The following KRT28 variants were observed in gnomAD, a reference collection of about 807,000 sequenced individuals.
KRT28 encodes the protein keratin, type I cytoskeletal 28.
KRT28 carries 45 observed loss-of-function variants against 48.1 expected under a neutral mutation model. The ratio of observed to expected loss-of-function variants is 0.94; its 90% CI spans 0.74 to 1.20. The LOEUF (loss-of-function observed/expected upper bound fraction) is 1.20, where lower values mean the gene tolerates loss of function less well. KRT28 is among the 50% of genes most tolerant of loss of function. The pLI is 0.00. For missense variants in KRT28, 571 were observed against 574.1 expected, an observed-to-expected ratio of 0.99 and a Z score of 0.06; for synonymous variants, 228 against 227.4, an observed-to-expected ratio of 1.00 and a Z score of -0.03.
At chr17:40,798,166 C>A in intron 3 of KRT28, 69 bp downstream of exon 3, 2 of 1,456,666 alleles carry the variant, frequency 1.4e-6, no homozygotes, top group Admixed American at 3.9e-5. Context: ...GTGATTTTAA[C>A]CCCCAACCCC....
At chr17:40,798,131 A>T (rs1214934161) in intron 3 of KRT28, 104 bp downstream of exon 3, 1 of 1,173,984 alleles carries the variant, frequency 8.5e-7, no homozygotes, top group Non-Finnish European at 1.2e-6. Context: ...TTGGCAAATT[A>T]TAACAATGAA....
At chr17:40,796,516 G>C (rs1904616765) in intron 5 of KRT28, among the ~76,000 whole-genome samples, 3 of 152,184 alleles carry the variant, frequency 2.0e-5, no homozygotes, top group African/African-American at 7.2e-5. Flanking sequence ...ATCAGTATCA[G>C]GAGATGCTGG....
intron 1 of KRT28, among the ~76,000 whole-genome samples, 164 bp downstream of exon 1, chr17:40,799,280 A>G (rs549751709): frequency 6.6e-6 from 1 of 152,328 alleles, no homozygotes; most frequent in South Asian, 2.1e-4. Context: ...CTACATTAAA[A>G]TTCATGAATC....
At chr17:40,793,277 C>G in intron 6 of KRT28, 67 bp from the exon 7 acceptor site, 14 of 998,508 alleles carry the variant, frequency 1.4e-5, no homozygotes, top group African/African-American at 1.7e-5. Flanking sequence ...TATTCATTGA[C>G]TCAATGAATG....
At chr17:40,798,865 A>G (rs1904681823) in intron 2 of KRT28, 52 bp downstream of exon 2, 2 of 1,168,982 alleles carry the variant, frequency 1.7e-6, no homozygotes, top group Non-Finnish European at 1.3e-6. Context: ...TATTTAACAA[A>G]TTAAATAAAT....
At chr17:40,794,257 C>T (rs1239906864) in intron 5 of KRT28, among the ~76,000 whole-genome samples, 3 of 152,088 alleles carry the variant, frequency 2.0e-5, no homozygotes, top group Admixed American at 2.0e-4. Flanking sequence ...ATAAATGGCC[C>T]TTTTCCCACA....
intron 5 of KRT28, among the ~76,000 whole-genome samples, chr17:40,796,557 C>G (rs1198356495): frequency 1.3e-5 from 2 of 152,202 alleles, no homozygotes; most frequent in African/African-American, 4.8e-5. Context: ...CTGTGGGACA[C>G]TAGCCCCACA....
In KRT28 at chr17:40,799,011, C is replaced by A; in HGVS notation, c.451-12G>T. 1 of 1,470,178 alleles carries A rather than the reference C, an allele frequency of 6.8e-7. No individual in the cohort carries two copies. The highest frequency in any genetic ancestry group is 9.4e-7 in the Non-Finnish European group (1 of 1,060,794). The allele number at this position is 1,470,178 out of a possible 1,614,324, so 91.1% of individuals were successfully genotyped here. A position where few individuals can be genotyped will look rare whatever the true frequency, so the allele number is the denominator to read the frequency against. On this transcript the variant is annotated splice_polypyrimidine_tract_variant and intron_variant, in intron 1 of 7. Transcript: ENST00000306658. ...GTGGAGGAGATAATCTAGAATAAAC[C>A]AAAACAGAGAACACAACAAGTAAGT...
chr17:40,797,928 G>T (rs1184449167), intron 3 of KRT28, among the ~76,000 whole-genome samples: 1 of 152,146 alleles, frequency 6.6e-6, no homozygotes, highest in East Asian at 1.9e-4. Context: ...AGGTTGATGG[G>T]AATAGAACAG....
chr17:40,799,849 C>A lies in KRT28; in HGVS notation c.45G>T (p.Arg15Ser). Residue 15 changes from arginine to serine, a missense_variant, in exon 1 of 8, where the codon AGG (arginine) becomes AGT (serine). Physicochemically the swap from Arg to Ser is moderately radical, Grantham distance 110 (BLOSUM62 -1). Transcript: ENST00000306658. ...GGGGTCTGACAGATCCAGCTCCAGA[C>A]CTTAAGCAAACATGCCTGGATCCAT... ...FSNGSRHVCLRSGAGSVRPLN... is the reference protein window; with the variant it reads ...FSNGSRHVCLSSGAGSVRPLN... The A allele has an allele frequency of 6.2e-7, 1 of 1,613,882 alleles. No individual in the cohort carries two copies. The highest frequency in any genetic ancestry group is 8.5e-7 in the Non-Finnish European group (1 of 1,180,024).
In KRT28 at chr17:40,799,886, A is replaced by G. The variant is rs1408032918; in HGVS notation, c.8T>C (p.Leu3Pro). 2 of 1,609,754 alleles carry G rather than the reference A, an allele frequency of 1.2e-6. No individual in the cohort carries two copies. The highest frequency in any genetic ancestry group is 1.7e-6 in the Non-Finnish European group (2 of 1,178,608). ...ATGCCTGGATCCATTAGAAAATTGGAGAGACATGGTGTTTTGAGAAATGTT... is the reference window on the plus strand; with the variant it reads ...ATGCCTGGATCCATTAGAAAATTGGGGAGACATGGTGTTTTGAGAAATGTT... MS[L>P]QFSNGSRHVC... Residue 3 changes from leucine to proline, a missense_variant, in exon 1 of 8, where the codon CTC (leucine) becomes CCC (proline). Physicochemically the swap from Leu to Pro is moderately conservative, Grantham distance 98. Transcript: ENST00000306658.
intron 3 of KRT28, 38 bp downstream of exon 3, chr17:40,798,197 C>T (rs766958046): frequency 3.4e-5 from 53 of 1,568,650 alleles, no homozygotes; most frequent in Non-Finnish European, 4.3e-5. Context: ...TTAAAATGTA[C>T]AGAGTTGTGA....
intron 1 of KRT28, 109 bp from the exon 2 acceptor site, chr17:40,799,108 C>T (rs979539627): frequency 7.4e-6 from 5 of 673,476 alleles, no homozygotes; most frequent in Non-Finnish European, 1.0e-5. Context: ...AATTTCACCT[C>T]CTTATGTAAT....
chr17:40,795,411 A>G (rs1374023254), intron 5 of KRT28, among the ~76,000 whole-genome samples: 1 of 152,218 alleles, frequency 6.6e-6, no homozygotes, highest in Non-Finnish European at 1.5e-5. Flanking sequence ...ACAGTCTTCC[A>G]CCGTGAAGGC....
rs748796422 is a variant in KRT28 at position 40,792,400 on chromosome 17, A to G, written c.*27T>C. On this transcript the variant is annotated 3_prime_UTR_variant, in exon 8 of 8. Transcript: ENST00000306658. ...ATGCAATTGTACAGGATCCTTTCCC[A>G]AATTATTCTTTTCTCTAAAATGACA... is the stretch of plus-strand genomic sequence containing the variant. The G allele has an allele frequency of 6.3e-7, 1 of 1,593,780 alleles. No individual in the cohort carries two copies. Among genetic ancestry groups the G allele is most frequent in the South Asian group, 1.1e-5 (1 of 88,108 alleles).
At chr17:40,794,941 G>A (rs757827042) in intron 5 of KRT28, among the ~76,000 whole-genome samples, 1 of 152,018 alleles carries the variant, frequency 6.6e-6, no homozygotes, top group South Asian at 2.1e-4. Flanking sequence ...ATTTTCTAGG[G>A]TAGTTAGGCC....
At chr17:40,795,574 C>A (rs1367639749) in intron 5 of KRT28, among the ~76,000 whole-genome samples, 1 of 152,194 alleles carries the variant, frequency 6.6e-6, no homozygotes, top group Non-Finnish European at 1.5e-5. Flanking sequence ...CATAAGACAA[C>A]AGGGCCTCAG....
rs1296412796 is a variant in KRT28, at chr17:40,796,956, A to C, written c.938T>G (p.Leu313Arg). 1.9e-5 allele frequency: 30 copies of C among 1,612,156 alleles called. No individual in the cohort carries two copies. The East Asian group carries it at 6.7e-4, about 36-fold the overall frequency. ...RSQLTEMRRT[L>R]QTLEIQLQSL... ...CTGCAGCTGGATCTCCAGGGTCTGC[A>C]GGGTGCGCCTCATCTCGGTGAGCTG... Residue 313 changes from leucine (L) to arginine (R), a missense_variant, in exon 5 of 8, where the codon CTG (leucine) becomes CGG (arginine). Transcript: ENST00000306658.
In KRT28 at chr17:40,793,978, C is replaced by T; in HGVS notation, c.1047G>A (p.Gln349=). The T allele has an allele frequency of 6.2e-7, 1 of 1,613,982 alleles. No individual in the cohort carries two copies. Among genetic ancestry groups the T allele is most frequent in the South Asian group, 1.1e-5 (1 of 91,078 alleles). Residue 349 remains glutamine (Q), a synonymous_variant, in exon 6 of 8, where the codon CAG becomes CAA. Coordinates refer to ENST00000306658, the MANE Select transcript of KRT28 (RefSeq NM_181535.3). The part of the protein sequence containing the change: ...SNYCTQLAQI[Q]AQIGALEEQL... The stretch of plus-strand genomic sequence containing the variant: ...GCTCCTCCAGGGCCCCGATCTGAGC[C>T]TGGATCTGCGCCAGCTGCGTACAGT...
Sources: allele counts gnomAD v4.1 joint callset (sites outside exome capture counted in the v4.1 genomes callset), GRCh38; gene constraint gnomAD v4.1.1; transcripts MANE v1.5; gene names NCBI Gene and HGNC (gene_info 2026-07-23, HGNC 2026-07-21).